ABI3BP: variants seen among roughly 807,000 people sequenced by gnomAD.
ABI3BP encodes target of Nesh-SH3.
ABI3BP carries 216 observed loss-of-function variants against 268.6 expected under a neutral mutation model. The observed-to-expected ratio is 0.80, with a 90% CI of 0.72 to 0.90. ABI3BP has a LOEUF of 0.90. Among genes scored for constraint, ABI3BP ranks in the 40% least tolerant of loss-of-function variants. ABI3BP has a pLI of 0.00. For synonymous variants in ABI3BP, 730 were observed against 730.0 expected, an observed-to-expected ratio of 1.00 and a Z score of 0.00; for missense variants, 2,090 against 2,182.4, an observed-to-expected ratio of 0.96 and a Z score of 0.84.
intron 1 of ABI3BP, among the ~76,000 whole-genome samples, chr3:100,965,186 G>T (rs904382980): frequency 6.6e-6 from 1 of 152,066 alleles, no homozygotes; most frequent in Non-Finnish European, 1.5e-5. Flanking sequence ...ATCTGATCTA[G>T]CAGAATCATG....
At chr3:100,975,525 T>C (rs2085718973) in intron 1 of ABI3BP, among the ~76,000 whole-genome samples, 1 of 152,156 alleles carries the variant, frequency 6.6e-6, no homozygotes, top group African/African-American at 2.4e-5. Context: ...ACCCTCCCTG[T>C]TGGGACGATG....
At chr3:100,900,654 T>C (rs2049875271) in intron 3 of ABI3BP, among the ~76,000 whole-genome samples, 1 of 152,122 alleles carries the variant, frequency 6.6e-6, no homozygotes, top group Non-Finnish European at 1.5e-5. Context: ...TGAATCTTAA[T>C]ATAAAAATAA....
chr3:100,842,585 A>G (rs1580081351), intron 20 of ABI3BP, among the ~76,000 whole-genome samples: 2 of 152,340 alleles, frequency 1.3e-5, no homozygotes, highest in East Asian at 3.9e-4. Flanking sequence ...AAATTGGTTC[A>G]CATATGAAAC....
chr3:100,992,461 C>T (rs531995415), intron 1 of ABI3BP, among the ~76,000 whole-genome samples: 2 of 152,276 alleles, frequency 1.3e-5, no homozygotes, highest in South Asian at 4.1e-4. Context: ...ATGGTAAATT[C>T]CAGCCTGTTT....
chr3:100,774,075 GA>G (rs1258338094), intron 61 of ABI3BP, among the ~76,000 whole-genome samples: 2 of 151,374 alleles, frequency 1.3e-5, no homozygotes, highest in African/African-American at 2.4e-5. Context: ...TTACATTTCA[GA>G]AAAAAAAGGG....
At chr3:100,972,813 A>G (rs1576031592) in intron 1 of ABI3BP, among the ~76,000 whole-genome samples, 1 of 152,186 alleles carries the variant, frequency 6.6e-6, no homozygotes, top group South Asian at 2.1e-4. Context: ...CAGATTCCAC[A>G]TTTGCAAATG....
rs374668357 is a variant in ABI3BP at position 100,847,637 on chromosome 3, A to G, written c.1613T>C (p.Ile538Thr). ...TTSAGTITPK[I>T]SKSPEPTWTT... is the part of the protein sequence containing the mutation. ...CCATGTAGGTTCAGGGCTTTTAGAA[A>G]TTTTAGGTGTAATTGTTCCGGCACT... is the stretch of plus-strand genomic sequence containing the variant. The change falls in exon 19 of 68, where the codon ATT becomes ACT. Residue 538 changes from isoleucine (I) to threonine (T), a missense_variant. Coordinates refer to ENST00000471714, the MANE Select transcript of ABI3BP (RefSeq NM_001375547.2). 70 of 1,613,750 alleles carry G rather than the reference A, an allele frequency of 4.3e-5. No individual in the cohort carries two copies. In the African/African-American group the frequency reaches 7.7e-4, roughly 18 times the overall value.
rs910121624 is a variant in ABI3BP, at chr3:100,885,121, A to G, written c.696+415T>C. Among the ~76,000 whole-genome samples the G allele has an allele frequency of 2.0e-5, 3 of 152,250 alleles. No individual in the cohort carries two copies. In the South Asian group the frequency reaches 6.2e-4, roughly 32 times the overall value. ...TTTACAAAATCAAACTGGTTGCTCC[A>G]TTGTTGTGAAAAAGACTGGCTCTTT... On this transcript the variant is annotated intron_variant, in intron 6 of 67. Coordinates refer to ENST00000471714, the MANE Select transcript of ABI3BP (RefSeq NM_001375547.2).
chr3:100,911,021 C>A (rs2056219863), intron 2 of ABI3BP: 2 of 172,048 alleles, frequency 1.2e-5, no homozygotes, highest in Non-Finnish European at 2.5e-5. Flanking sequence ...TCAAACTCTT[C>A]ATCTATTTCT....
intron 2 of ABI3BP, among the ~76,000 whole-genome samples, chr3:100,916,282 T>C (rs902453512): frequency 1.3e-5 from 2 of 152,254 alleles, no homozygotes; most frequent in South Asian, 2.1e-4. Flanking sequence ...ACATTAGCTC[T>C]CAGATAGTAT....
intron 1 of ABI3BP, among the ~76,000 whole-genome samples, chr3:100,974,347 G>C (rs770314507): frequency 1.8e-4 from 27 of 152,178 alleles, no homozygotes; most frequent in Non-Finnish European, 3.5e-4. Context: ...CCCCAAATTA[G>C]AAACAACCCT....
chr3:100,833,831 T>G (rs766381433), intron 29 of ABI3BP, among the ~76,000 whole-genome samples: 1 of 152,208 alleles, frequency 6.6e-6, no homozygotes, highest in Non-Finnish European at 1.5e-5. Flanking sequence ...GCAGCATTAC[T>G]GTCCAACTAA....
chr3:100,765,706 A>G, intron 63 of ABI3BP, 135 bp downstream of exon 63: 2 of 663,824 alleles, frequency 3.0e-6, no homozygotes, highest in Non-Finnish European at 5.3e-6. Context: ...CTAGTGCTAT[A>G]TATAGAAAAC....
chr3:100,929,325 T>C (rs1394092999), intron 1 of ABI3BP, among the ~76,000 whole-genome samples: 1 of 152,044 alleles, frequency 6.6e-6, no homozygotes, highest in Non-Finnish European at 1.5e-5. Context: ...AGGAAGGCTG[T>C]TCCATTTTTC....
chr3:100,851,168 C>G (rs1210485610), intron 15 of ABI3BP, among the ~76,000 whole-genome samples: 2 of 152,162 alleles, frequency 1.3e-5, no homozygotes, highest in Non-Finnish European at 2.9e-5. Context: ...CAGTCTTACT[C>G]CCTTTGAATC....
intron 59 of ABI3BP, among the ~76,000 whole-genome samples, chr3:100,776,674 G>A (rs952144733): frequency 3.3e-5 from 5 of 152,196 alleles, no homozygotes; most frequent in African/African-American, 1.2e-4. Context: ...CCTCAGTGCA[G>A]CCATTTCCCT....
intron 67 of ABI3BP, 128 bp downstream of exon 67, chr3:100,751,424 T>G: frequency 9.6e-7 from 1 of 1,040,522 alleles, no homozygotes; most frequent in Non-Finnish European, 1.2e-6. Flanking sequence ...GAAGTCTTCA[T>G]TTTTTCCTAG....
intron 4 of ABI3BP, among the ~76,000 whole-genome samples, chr3:100,888,019 G>T (rs938935034): frequency 4.6e-5 from 7 of 151,992 alleles, no homozygotes; most frequent in Non-Finnish European, 2.9e-5. Flanking sequence ...AAGTCAGCAG[G>T]GGGTTTGTAG....
intron 10 of ABI3BP, 65 bp from the exon 11 acceptor site, chr3:100,864,972 A>T: frequency 8.0e-7 from 1 of 1,247,178 alleles, no homozygotes; most frequent in Non-Finnish European, 1.1e-6. Flanking sequence ...ACCAGGAGAC[A>T]CATCCTGTTG....
Sources: allele counts gnomAD v4.1 joint callset (sites outside exome capture counted in the v4.1 genomes callset), GRCh38; gene constraint gnomAD v4.1.1; transcripts MANE v1.5; gene names NCBI Gene and HGNC (gene_info 2026-07-23, HGNC 2026-07-21).